The following ANKS6 variants were observed in gnomAD, a reference collection of about 807,000 sequenced individuals.
The protein encoded by ANKS6 is ankyrin repeat and sterile alpha motif domain containing 6.
In ANKS6, 47 loss-of-function variants were observed where a neutral mutation model predicts 77.9. The ratio of observed to expected loss-of-function variants is 0.60; its 90% CI spans 0.48 to 0.77. The LOEUF (loss-of-function observed/expected upper bound fraction) is 0.77. Ranked by LOEUF, ANKS6 falls within the 30% of genes least tolerant of loss-of-function variation. The probability of loss-of-function intolerance (pLI) is 0.00; values close to 1 mark genes in which losing one functional copy is unlikely to be tolerated. For synonymous variants in ANKS6, 488 were observed against 501.7 expected, an observed-to-expected ratio of 0.97 and a Z score of 0.37; for missense variants, 1,150 against 1,159.1, an observed-to-expected ratio of 0.99 and a Z score of 0.11.
chr9:98,732,094 G>C lies in ANKS6; in HGVS notation c.*4425C>G, dbSNP rs930326885. Reference sequence around the variant, plus strand: ...CAGGAACTGCTGGTTAACAAGACACGATTAACTTGCTAGGAATGGACAAGG... The same window carrying C: ...CAGGAACTGCTGGTTAACAAGACACCATTAACTTGCTAGGAATGGACAAGG... On this transcript the variant is annotated 3_prime_UTR_variant, in exon 15 of 15. Transcript: ENST00000353234. 1 of 202,878 alleles carries C rather than the reference G, an allele frequency of 4.9e-6. No individual in the cohort carries two copies. Among genetic ancestry groups the C allele is most frequent in the African/African-American group, 2.3e-5 (1 of 43,204 alleles). 12.6% of individuals were successfully genotyped at this position (202,878 alleles called of 1,614,324 possible).
chr9:98,745,480 G>A, intron 14 of ANKS6, 79 bp downstream of exon 14: 1 of 1,364,842 alleles, frequency 7.3e-7, no homozygotes, highest in Non-Finnish European at 1.0e-6. Context: ...GAGGAAGTAA[G>A]ACCTTCCCAA....
At position 98,744,333 on chromosome 9, in the gene ANKS6, C is replaced by T. The variant is rs117423090; in HGVS notation, c.2511+1226G>A. On this transcript the variant is annotated intron_variant, in intron 14 of 14. Transcript: ENST00000353234. ...TCCTGGCAGGGCTGAGAGGAGCCGC[C>T]TCTGCACAGCACAGTGCTGCAGAGA... 3.2e-3 allele frequency among the ~76,000 whole-genome samples: 488 copies of T among 152,292 alleles called. 4 individuals carry two copies. Among genetic ancestry groups the T allele is most frequent in the Non-Finnish European group, 5.1e-3 (348 of 68,018 alleles).
At chr9:98,744,722 G>A (rs1215269083) in intron 14 of ANKS6, among the ~76,000 whole-genome samples, 1 of 151,510 alleles carries the variant, frequency 6.6e-6, no homozygotes, top group African/African-American at 2.4e-5. Context: ...AGAAAAAAAA[G>A]AGGAAAAAGG....
intron 12 of ANKS6, among the ~76,000 whole-genome samples, chr9:98,754,209 G>C (rs1289955372): frequency 6.6e-6 from 1 of 152,230 alleles, no homozygotes; most frequent in African/African-American, 2.4e-5. Flanking sequence ...GTGAGGCTGA[G>C]AAGGTGATGC....
At chr9:98,783,819 C>G in intron 4 of ANKS6, 134 bp downstream of exon 4, 18 of 553,348 alleles carry the variant, frequency 3.3e-5, no homozygotes, top group Admixed American at 4.8e-5. Context: ...TTTTTTTTTT[C>G]CATGCCTCAA....
chr9:98,761,976 G>GTA (rs1416428460), intron 11 of ANKS6, among the ~76,000 whole-genome samples: 3 of 152,220 alleles, frequency 2.0e-5, no homozygotes, highest in African/African-American at 7.2e-5. Context: ...CATTTAATCT[G>GTA]TAGATCAAAT....
intron 11 of ANKS6, among the ~76,000 whole-genome samples, chr9:98,757,368 G>A (rs536381493): frequency 3.3e-5 from 5 of 152,156 alleles, no homozygotes; most frequent in Non-Finnish European, 5.9e-5. Context: ...CTGTGACAGC[G>A]CTGTCTTTCC....
chr9:98,732,780 G>T lies in ANKS6; in HGVS notation c.*3739C>A. 1 of 1,385,532 alleles carries T rather than the reference G, an allele frequency of 7.2e-7. No individual in the cohort carries two copies. 85.8% of individuals were successfully genotyped at this position (1,385,532 alleles called of 1,614,324 possible). ...CAACATCACGCAGCACTAGGTCTATGTCCAGTGCTCTTTCCAGGGTAACAG... is the reference window on the plus strand; with the variant it reads ...CAACATCACGCAGCACTAGGTCTATTTCCAGTGCTCTTTCCAGGGTAACAG... On this transcript the variant is annotated 3_prime_UTR_variant, in exon 15 of 15. Coordinates refer to ENST00000353234, the MANE Select transcript of ANKS6 (RefSeq NM_173551.5).
chr9:98,734,228 A>C lies in ANKS6; in HGVS notation c.*2291T>G, dbSNP rs1195241679. The C allele has an allele frequency of 8.1e-6, 8 of 985,404 alleles. No homozygotes were observed. Among genetic ancestry groups the C allele is most frequent in the Non-Finnish European group, 8.4e-6 (7 of 830,034 alleles). 61.0% of individuals were successfully genotyped at this position (985,404 alleles called of 1,614,324 possible). A position where few individuals can be genotyped will look rare whatever the true frequency, so the allele number is the denominator to read the frequency against. ...ACTTGAGTCCAGTGAAAAAGAAAGG[A>C]AAGGCATTGTCTGGAGCCTCTGCTG... is the stretch of plus-strand genomic sequence containing the variant. On this transcript the variant is annotated 3_prime_UTR_variant, in exon 15 of 15. Coordinates refer to ENST00000353234, the MANE Select transcript of ANKS6 (RefSeq NM_173551.5).
In ANKS6 at chr9:98,732,873, A is replaced by G; in HGVS notation, c.*3646T>C. 8.7e-7 allele frequency: 1 copy of G among 1,150,266 alleles called. No individual in the cohort carries two copies. The highest frequency in any genetic ancestry group is 5.6e-5 in the East Asian group (1 of 17,848). 71.3% of individuals were successfully genotyped at this position (1,150,266 alleles called of 1,614,324 possible). A position where few individuals can be genotyped will look rare whatever the true frequency, so the allele number is the denominator to read the frequency against. ...GCACCCAACTGACCCTTCCTCCCTGACGATCTAGAACTTACACATTACGTG... is the reference window on the plus strand; with the variant it reads ...GCACCCAACTGACCCTTCCTCCCTGGCGATCTAGAACTTACACATTACGTG... On this transcript the variant is annotated 3_prime_UTR_variant, in exon 15 of 15. Coordinates refer to ENST00000353234, the MANE Select transcript of ANKS6 (RefSeq NM_173551.5).
At chr9:98,789,029 G>A (rs1834735007) in intron 2 of ANKS6, among the ~76,000 whole-genome samples, 1 of 147,918 alleles carries the variant, frequency 6.8e-6, no homozygotes, top group African/African-American at 2.5e-5. Flanking sequence ...ATTGGATGGT[G>A]TATTTCTTTT....
At chr9:98,759,965 T>C (rs1435296787) in intron 11 of ANKS6, among the ~76,000 whole-genome samples, 6 of 152,058 alleles carry the variant, frequency 3.9e-5, no homozygotes, top group African/African-American at 1.4e-4. Context: ...TTCAAAAAGC[T>C]AGAAGGAGGA....
rs7865233 is a variant in ANKS6 at position 98,780,598 on chromosome 9, T to A, written c.1220-261A>T. Among the ~76,000 whole-genome samples the A allele has an allele frequency of 3.5e-3, 525 of 152,168 alleles. 5 individuals carry two copies. The highest frequency in any genetic ancestry group is 4.1e-3 in the Non-Finnish European group (282 of 67,996). Reference sequence around the variant, plus strand: ...GGCAGGGGGACAGTGTGTTTAAAAGTGCAGGCTTCACAGCCAGGCTGCAGA... The same window carrying A: ...GGCAGGGGGACAGTGTGTTTAAAAGAGCAGGCTTCACAGCCAGGCTGCAGA... On this transcript the variant is annotated intron_variant, in intron 5 of 14. Coordinates refer to ENST00000353234, the MANE Select transcript of ANKS6 (RefSeq NM_173551.5).
intron 9 of ANKS6, 63 bp from the exon 10 acceptor site, chr9:98,771,109 C>A: frequency 7.0e-7 from 1 of 1,425,236 alleles, no homozygotes; most frequent in Non-Finnish European, 9.3e-7. Flanking sequence ...CGTGCAGGAT[C>A]ACAGTGTGGG....
chr9:98,793,193 T>C (rs1243144129), intron 1 of ANKS6, among the ~76,000 whole-genome samples: 1 of 152,142 alleles, frequency 6.6e-6, no homozygotes, highest in African/African-American at 2.4e-5. Flanking sequence ...TGCAACCCTG[T>C]CCCTTGGAGA....
chr9:98,787,928 C>T (rs1026105433), intron 2 of ANKS6, among the ~76,000 whole-genome samples: 1 of 152,242 alleles, frequency 6.6e-6, no homozygotes, highest in Non-Finnish European at 1.5e-5. Context: ...TGTGCTCCCT[C>T]TGGGCCAGGC....
chr9:98,756,800 A>G (rs1027557536), intron 11 of ANKS6, among the ~76,000 whole-genome samples, 197 bp from the exon 12 acceptor site: 1 of 152,166 alleles, frequency 6.6e-6, no homozygotes, highest in African/African-American at 2.4e-5. Flanking sequence ...GCAACCCTGG[A>G]GCAGAGATAG....
chr9:98,765,734 C>A (rs1219387407), intron 11 of ANKS6, among the ~76,000 whole-genome samples: 1 of 152,140 alleles, frequency 6.6e-6, no homozygotes, highest in Non-Finnish European at 1.5e-5. Flanking sequence ...ACTCTAACGC[C>A]ACCTATGCTG....
chr9:98,779,255 C>G (rs902801332), intron 6 of ANKS6, among the ~76,000 whole-genome samples: 1 of 152,082 alleles, frequency 6.6e-6, no homozygotes, highest in Non-Finnish European at 1.5e-5. Context: ...ATGAGAAATC[C>G]AAAGAGAAAG....
Sources: allele counts gnomAD v4.1 joint callset (sites outside exome capture counted in the v4.1 genomes callset), GRCh38; gene constraint gnomAD v4.1.1; transcripts MANE v1.5; gene names NCBI Gene and HGNC (gene_info 2026-07-23, HGNC 2026-07-21).